The following MYBPC1 variants were observed in gnomAD, a reference collection of about 807,000 sequenced individuals.
The protein encoded by MYBPC1 is myosin-binding protein C, slow-type.
Under a neutral mutation model 147.1 loss-of-function variants are expected in MYBPC1, and 52 were observed. The observed-to-expected ratio is 0.35, with a 90% CI of 0.28 to 0.45. The LOEUF is 0.45. MYBPC1 is among the 20% of genes least tolerant of loss of function. The pLI is 1.00. For synonymous variants in MYBPC1, 477 were observed against 475.9 expected (o/e 1.00, Z -0.03); for missense variants, 1,228 against 1,440.3 (o/e 0.85, Z 2.39).
intron 28 of MYBPC1, among the ~76,000 whole-genome samples, chr12:101,679,592 A>G (rs928689310): frequency 1.3e-5 from 2 of 152,242 alleles, no homozygotes; most frequent in African/African-American, 4.8e-5. Flanking sequence ...TTCAGAAGTC[A>G]AGGAGAATGA....
Position 101,626,668 on chromosome 12 carries a change from T to C in MYBPC1, c.104-204T>C, listed in dbSNP as rs10860757. Among the ~76,000 whole-genome samples the C allele has an allele frequency of 0.17, 25,592 of 152,172 alleles. 3,029 individuals carry two copies. The highest frequency in any genetic ancestry group is 0.33 in the African/African-American group (13,665 of 41,468). ...TGCTTCCATTTGGATTACCCTACTC[T>C]GTCAACTTTTTATTTATTATTTTTT... On this transcript the variant is annotated intron_variant, in intron 3 of 31. Transcript: ENST00000361466.
chr12:101,671,306 C>T (rs1898615791), intron 24 of MYBPC1, among the ~76,000 whole-genome samples: 3 of 105,502 alleles, frequency 2.8e-5, no homozygotes. Context: ...ATTTGACACT[C>T]ATATACACAC....
At position 101,594,979 on chromosome 12, in the gene MYBPC1, G is replaced by C; in HGVS notation, c.-92G>C. On this transcript the variant is annotated 5_prime_UTR_variant, in exon 1 of 32. Coordinates refer to ENST00000361466, the MANE Select transcript of MYBPC1 (RefSeq NM_002465.4). ...TTTCTCCCCAACTGCTTGTCACACC[G>C]ACCTGCACCATCTCTCGCCTGCCTG... 7.9e-7 allele frequency: 1 copy of C among 1,269,230 alleles called. No homozygotes were observed. Among genetic ancestry groups the C allele is most frequent in the South Asian group, 1.2e-5 (1 of 82,118 alleles). 78.6% of individuals were successfully genotyped at this position (1,269,230 alleles called of 1,614,324 possible).
chr12:101,624,805 G>A (rs1271666853), intron 3 of MYBPC1, among the ~76,000 whole-genome samples: 1 of 141,594 alleles, frequency 7.1e-6, no homozygotes, highest in Non-Finnish European at 1.5e-5. Flanking sequence ...ACTAGTTTAT[G>A]CTTTGGGAAG....
At chr12:101,613,870 AAAC>A (rs972841077) in intron 1 of MYBPC1, among the ~76,000 whole-genome samples, 5 of 152,312 alleles carry the variant, frequency 3.3e-5, no homozygotes, top group East Asian at 3.9e-4. Context: ...CGTCCTTGTA[AAAC>A]AACAACAACA....
chr12:101,689,648 G>A (rs1951390110), downstream of MYBPC1, among the ~76,000 whole-genome samples: 1 of 152,142 alleles, frequency 6.6e-6, no homozygotes, highest in Non-Finnish European at 1.5e-5. Context: ...AAAAAATCTA[G>A]AAAGAGATTA....
Position 101,652,616 on chromosome 12 carries a change from C to T in MYBPC1, c.1527-62C>T, listed in dbSNP as rs1997205. On this transcript the variant is annotated intron_variant, in intron 16 of 31. Coordinates refer to ENST00000361466, the MANE Select transcript of MYBPC1 (RefSeq NM_002465.4). ...AGATAAAGGTCAAGTGTCTTTTCAG[C>T]TTGGGTCATATATAAACTAGATCTT... 0.72 allele frequency: 839,699 copies of T among 1,172,926 alleles called. 304,227 individuals are homozygous for T. Among genetic ancestry groups the T allele is most frequent in the Admixed American group, 0.83 (49,264 of 59,286 alleles). 72.7% of individuals were successfully genotyped at this position (1,172,926 alleles called of 1,614,324 possible). A position where few individuals can be genotyped will look rare whatever the true frequency, so the allele number is the denominator to read the frequency against.
chr12:101,611,655 T>G (rs1884310002), intron 1 of MYBPC1, among the ~76,000 whole-genome samples: 2 of 152,236 alleles, frequency 1.3e-5, no homozygotes. Context: ...TCCCTGGCTT[T>G]GTTTAGATGG....
chr12:101,630,855 T>G (rs1889742416), intron 6 of MYBPC1, among the ~76,000 whole-genome samples: 1 of 152,234 alleles, frequency 6.6e-6, no homozygotes, highest in Non-Finnish European at 1.5e-5. Flanking sequence ...TATTATGATC[T>G]GAACTAGTCT....
Position 101,685,749 on chromosome 12 carries a change from A to T in MYBPC1, c.*187A>T. 8.4e-7 allele frequency: 1 copy of T among 1,190,680 alleles called. No individual in the cohort carries two copies. The highest frequency in any genetic ancestry group is 1.1e-6 in the Non-Finnish European group (1 of 869,908). The allele number at this position is 1,190,680 out of a possible 1,614,324, so 73.8% of individuals were successfully genotyped here. ...AAATCTGGTTGAAATGAGAAAAAGC[A>T]TTTTCTGTTTTCCCACCAGGCCCCC... On this transcript the variant is annotated 3_prime_UTR_variant, in exon 32 of 32. Coordinates refer to ENST00000361466, the MANE Select transcript of MYBPC1 (RefSeq NM_002465.4).
intron 13 of MYBPC1, among the ~76,000 whole-genome samples, chr12:101,647,576 G>A (rs1316274279): frequency 2.0e-5 from 3 of 151,798 alleles, no homozygotes; most frequent in Non-Finnish European, 2.9e-5. Flanking sequence ...AACAGACATA[G>A]AAAACAAAAC....
At chr12:101,603,732 A>T (rs1423841289) in intron 1 of MYBPC1, among the ~76,000 whole-genome samples, 1 of 152,192 alleles carries the variant, frequency 6.6e-6, no homozygotes, top group Non-Finnish European at 1.5e-5. Context: ...GCTTAAGCCC[A>T]GGGGTTTGAG....
chr12:101,629,058 A>C (rs769477118), intron 5 of MYBPC1: 31 of 333,088 alleles, frequency 9.3e-5, no homozygotes, highest in Admixed American at 2.0e-4. Context: ...CTTATAGTCC[A>C]TCACCTAGAA....
intron 10 of MYBPC1, among the ~76,000 whole-genome samples, chr12:101,639,812 A>G (rs1891677386): frequency 1.3e-5 from 2 of 151,998 alleles, no homozygotes; most frequent in African/African-American, 4.8e-5. Context: ...TCCTCCGCCA[A>G]TGTCAGGAGG....
At chr12:101,645,503 G>T (rs560749005) in intron 12 of MYBPC1, among the ~76,000 whole-genome samples, 1 of 152,270 alleles carries the variant, frequency 6.6e-6, no homozygotes, top group East Asian at 1.9e-4. Flanking sequence ...ATTTATAAAA[G>T]ATGTTAATCC....
intron 22 of MYBPC1, chr12:101,666,466 T>G: frequency 2.4e-6 from 1 of 411,142 alleles, no homozygotes; most frequent in South Asian, 2.2e-5. Flanking sequence ...CCACTGGAGG[T>G]GTCCCAGCCT....
chr12:101,681,293 A>G (rs1164853144), intron 29 of MYBPC1, among the ~76,000 whole-genome samples: 1 of 151,942 alleles, frequency 6.6e-6, no homozygotes, highest in African/African-American at 2.4e-5. Context: ...CCCTTCAAAG[A>G]GTCACCATTA....
intron 10 of MYBPC1, 54 bp downstream of exon 10, chr12:101,636,782 C>G: frequency 6.9e-7 from 1 of 1,450,890 alleles, no homozygotes; most frequent in Non-Finnish European, 9.7e-7. Flanking sequence ...TTTCAGACAC[C>G]CACTCAGAGA....
At chr12:101,649,191 G>A in intron 14 of MYBPC1, 69 bp from the exon 15 acceptor site, 1 of 1,408,468 alleles carries the variant, frequency 7.1e-7, no homozygotes, top group East Asian at 2.4e-5. Flanking sequence ...ATTGCAATAA[G>A]CAAGATGGAC....
Sources: gnomAD v4.1 joint callset for allele counts (sites outside exome capture counted in the v4.1 genomes callset) on GRCh38, gnomAD v4.1.1 for gene constraint, MANE v1.5 for transcripts, NCBI Gene and HGNC (gene_info 2026-07-23, HGNC 2026-07-21) for gene names.